MVB12B: variants seen among roughly 807,000 people sequenced by gnomAD.
MVB12B encodes multivesicular body subunit 12B, also known as ESCRT-I complex subunit MVB12B.
A neutral mutation model predicts 41.6 loss-of-function variants in MVB12B; 16 were observed. The ratio of observed to expected loss-of-function variants is 0.38; its 90% confidence interval spans 0.26 to 0.58. The LOEUF (loss-of-function observed/expected upper bound fraction) is 0.58, where lower values mean the gene tolerates loss of function less well. Among genes scored for constraint, MVB12B ranks in the 20% least tolerant of loss-of-function variants. The probability of loss-of-function intolerance (pLI) is 0.62; values close to 1 mark genes in which losing one functional copy is unlikely to be tolerated. For missense variants in MVB12B, 274 were observed against 380.2 expected, an observed-to-expected ratio of 0.72 and a Z score of 2.32; for synonymous variants, 133 against 139.7, an observed-to-expected ratio of 0.95 and a Z score of 0.34.
At chr9:126,330,042 G>A (rs762429545) in intron 1 of MVB12B, among the ~76,000 whole-genome samples, 14 of 151,888 alleles carry the variant, frequency 9.2e-5, no homozygotes, top group African/African-American at 3.4e-4. Context: ...TCCTGTCTCC[G>A]GCTGCCTGGG....
In MVB12B at chr9:126,468,429, G is replaced by C. The variant is rs1192799735; in HGVS notation, c.758-12940G>C. ...CAGCGGGACCCACGAGTTCATCTCT[G>C]CTGCTTTTCCGCTGGCCCCCACGCC... On this transcript the variant is annotated intron_variant, in intron 7 of 9. Transcript: ENST00000361171. This position sits in a 1 kb window ranked among gnomAD's most constrained non-coding sequence, Gnocchi z 4.3. Among the ~76,000 whole-genome samples the C allele has an allele frequency of 6.6e-6, 1 of 152,156 alleles. No homozygotes were observed. The highest frequency in any genetic ancestry group is 1.5e-5 in the Non-Finnish European group (1 of 68,030).
chr9:126,397,694 C>T (rs1374756735), intron 6 of MVB12B: 1 of 967,218 alleles, frequency 1.0e-6, no homozygotes, highest in African/African-American at 1.8e-5. Context: ...CCTCATCCAT[C>T]AGGGTTTTTT....
Position 126,412,435 on chromosome 9 carries a change from A to C in MVB12B, c.663-9419A>C, listed in dbSNP as rs1212587740. The stretch of plus-strand genomic sequence containing the variant: ...CACAATCCATTCCTCTCCTTTGTAC[A>C]TGACCTCTGGTCTTTGTCCACCAGC... On this transcript the variant is annotated intron_variant, in intron 6 of 9. Transcript: ENST00000361171. Among the ~76,000 whole-genome samples, 5 of 152,030 alleles carry C rather than the reference A, an allele frequency of 3.3e-5. No individual in the cohort carries two copies. In the East Asian group the frequency reaches 9.6e-4, roughly 29 times the overall value.
At chr9:126,492,930 C>T (rs1327922060) in intron 9 of MVB12B, among the ~76,000 whole-genome samples, 3 of 152,234 alleles carry the variant, frequency 2.0e-5, no homozygotes, top group African/African-American at 7.2e-5. Context: ...CGAGCGTCTT[C>T]TGCTCGCTCT....
intron 2 of MVB12B, among the ~76,000 whole-genome samples, chr9:126,371,087 T>C (rs1172007671): frequency 6.6e-6 from 1 of 152,182 alleles, no homozygotes; most frequent in East Asian, 1.9e-4. Context: ...GATTGACTAG[T>C]CCCTACTTCA....
chr9:126,466,220 G>C lies in MVB12B; in HGVS notation c.758-15149G>C, dbSNP rs78627324. 4.8e-3 allele frequency among the ~76,000 whole-genome samples: 726 copies of C among 152,288 alleles called. 5 individuals are homozygous for C. The highest frequency in any genetic ancestry group is 0.017 in the African/African-American group (703 of 41,550). On this transcript the variant is annotated intron_variant, in intron 7 of 9. Transcript: ENST00000361171. Reference sequence around the variant, plus strand: ...CCACTCCCTTGTCTGTAGTTGGCAGGGTGGCTGCTCCAGGGATGCCTTACC... The same window carrying C: ...CCACTCCCTTGTCTGTAGTTGGCAGCGTGGCTGCTCCAGGGATGCCTTACC...
chr9:126,464,361 C>T lies in MVB12B; in HGVS notation c.758-17008C>T, dbSNP rs12005716. 3.7e-3 allele frequency among the ~76,000 whole-genome samples: 560 copies of T among 152,228 alleles called. 2 individuals carry two copies. Among genetic ancestry groups the T allele is most frequent in the African/African-American group, 0.013 (539 of 41,518 alleles). ...GACTCAGTAGAAAGTGGTTAGCAGGCCAGAATAGCTAAATCCTAAAGTGTA... is the reference window on the plus strand; with the variant it reads ...GACTCAGTAGAAAGTGGTTAGCAGGTCAGAATAGCTAAATCCTAAAGTGTA... On this transcript the variant is annotated intron_variant, in intron 7 of 9. Coordinates refer to ENST00000361171, the MANE Select transcript of MVB12B (RefSeq NM_033446.3).
At chr9:126,502,199 G>T (rs1833972860) in intron 9 of MVB12B, among the ~76,000 whole-genome samples, 2 of 152,194 alleles carry the variant, frequency 1.3e-5, no homozygotes, top group South Asian at 4.1e-4. Context: ...CTTGACGCAG[G>T]GTTCCAGGCC....
intron 2 of MVB12B, among the ~76,000 whole-genome samples, chr9:126,348,912 C>A (rs542020880): frequency 4.8e-4 from 73 of 152,194 alleles, no homozygotes; most frequent in African/African-American, 1.7e-3. Flanking sequence ...TGTTTTAAAA[C>A]GTGCCCAGGT....
intron 6 of MVB12B, among the ~76,000 whole-genome samples, chr9:126,407,092 GTGA>G (rs1399120933): frequency 6.6e-6 from 1 of 152,210 alleles, no homozygotes; most frequent in Non-Finnish European, 1.5e-5. Flanking sequence ...TCAGTGGTCA[GTGA>G]TGTAGTGGTG....
intron 6 of MVB12B, among the ~76,000 whole-genome samples, chr9:126,416,349 G>T (rs1831824598): frequency 6.6e-6 from 1 of 152,184 alleles, no homozygotes; most frequent in Non-Finnish European, 1.5e-5. Flanking sequence ...TGACTCCCTG[G>T]TGCTGGCGCT....
chr9:126,347,180 G>C (rs1038341823), intron 2 of MVB12B, among the ~76,000 whole-genome samples: 2 of 152,238 alleles, frequency 1.3e-5, no homozygotes, highest in African/African-American at 2.4e-5. Context: ...GGGCCCTTGA[G>C]GGGGCAGAGG....
intron 9 of MVB12B, among the ~76,000 whole-genome samples, chr9:126,484,379 A>G (rs1407415507): frequency 6.6e-6 from 1 of 152,188 alleles, no homozygotes; most frequent in Non-Finnish European, 1.5e-5. Context: ...TTCTTCCTCC[A>G]TTTGTTTTGT....
At chr9:126,498,701 T>G (rs1462805988) in intron 9 of MVB12B, among the ~76,000 whole-genome samples, 1 of 152,226 alleles carries the variant, frequency 6.6e-6, no homozygotes, top group Admixed American at 6.5e-5. Flanking sequence ...GTCAGATCCT[T>G]TCTTGGGCTT....
intron 6 of MVB12B, among the ~76,000 whole-genome samples, chr9:126,411,228 C>T (rs1220715937): frequency 2.6e-5 from 4 of 152,192 alleles, no homozygotes; most frequent in Non-Finnish European, 4.4e-5. Context: ...AAGCATATAA[C>T]CATATTGTCC....
At chr9:126,377,281 A>G (rs1830508493) in intron 2 of MVB12B, among the ~76,000 whole-genome samples, 1 of 152,202 alleles carries the variant, frequency 6.6e-6, no homozygotes, top group Admixed American at 6.5e-5. Flanking sequence ...AGTGTGCAAG[A>G]GCATGTGCAT....
In MVB12B at chr9:126,392,330, C is replaced by T. The variant is rs898507879; in HGVS notation, c.539+135C>T. On this transcript the variant is annotated intron_variant, in intron 5 of 9. Coordinates refer to ENST00000361171, the MANE Select transcript of MVB12B (RefSeq NM_033446.3). The surrounding 1 kb of genome is among the most constrained non-coding windows in gnomAD (Gnocchi z 4.8). ...CATGGGCCTCTGTCAGCCCAGTGCT[C>T]CTCGCTGCCCTTCCTGCTCAGCTGC... The T allele has an allele frequency of 2.0e-6, 2 of 1,006,232 alleles. No homozygotes were observed. Among genetic ancestry groups the T allele is most frequent in the African/African-American group, 3.2e-5 (2 of 61,722 alleles). 62.3% of individuals were successfully genotyped at this position (1,006,232 alleles called of 1,614,324 possible). A position where few individuals can be genotyped will look rare whatever the true frequency, so the allele number is the denominator to read the frequency against.
chr9:126,479,513 C>T (rs184881127), intron 7 of MVB12B, among the ~76,000 whole-genome samples: 104 of 152,306 alleles, frequency 6.8e-4, no homozygotes, highest in Non-Finnish European at 1.2e-3. Context: ...ATGTACTGAA[C>T]GAGATTGAGG....
At chr9:126,446,797 T>A (rs942859535) in intron 7 of MVB12B, among the ~76,000 whole-genome samples, 3 of 151,896 alleles carry the variant, frequency 2.0e-5, no homozygotes, top group African/African-American at 7.2e-5. Context: ...TGATGTTATT[T>A]TTCTCTCTCT....
Sources: gnomAD v4.1 joint callset for allele counts (sites outside exome capture counted in the v4.1 genomes callset) on GRCh38, gnomAD v4.1.1 for gene constraint, Gnocchi (gnomAD v3.1) non-coding constraint, MANE v1.5 for transcripts, NCBI Gene and HGNC (gene_info 2026-07-23, HGNC 2026-07-21) for gene names.